The following KCNU1 variants were observed in gnomAD, a reference collection of about 807,000 sequenced individuals.
The protein encoded by KCNU1 is potassium channel subfamily U member 1.
A neutral mutation model predicts 126.8 loss-of-function variants in KCNU1; 93 were observed. The observed-to-expected ratio is 0.73, with a 90% confidence interval of 0.62 to 0.87. The LOEUF is 0.87. Among genes scored for constraint, KCNU1 ranks in the 40% least tolerant of loss-of-function variants. The pLI is 0.00. For synonymous variants in KCNU1, 523 were observed against 494.2 expected, an observed-to-expected ratio of 1.06 and a Z score of -0.77; for missense variants, 1,330 against 1,367.1, an observed-to-expected ratio of 0.97 and a Z score of 0.43.
Position 36,833,605 on chromosome 8 carries a change from C to T in KCNU1, c.1158C>T (p.Tyr386=), listed in dbSNP as rs1394016209. The change falls in exon 11 of 27, where the codon TAC becomes TAT. Residue 386 remains tyrosine, a synonymous_variant. Coordinates refer to ENST00000399881, the MANE Select transcript of KCNU1 (RefSeq NM_001031836.3). ...LETIFKCYLA[Y]TTFISGSAMK... ...CCATATTTAAATGCTACTTGGCCTA[C>T]ACAACGTTCATTTCTGGATCTGCAA... The T allele has an allele frequency of 2.0e-5, 33 of 1,612,388 alleles. No individual in the cohort carries two copies. Among genetic ancestry groups the T allele is most frequent in the Non-Finnish European group, 2.6e-5 (31 of 1,178,852 alleles).
chr8:36,896,261 G>A (rs1462695295), intron 19 of KCNU1, among the ~76,000 whole-genome samples: 1 of 151,900 alleles, frequency 6.6e-6, no homozygotes, highest in Non-Finnish European at 1.5e-5. Context: ...GGCCTGAAGA[G>A]CTTAAAATAT....
rs1294088913 is a variant in KCNU1 at position 36,787,291 on chromosome 8, T to G, written c.196-15T>G. 2 of 1,598,428 alleles carry G rather than the reference T, an allele frequency of 1.3e-6. No homozygotes were observed. On this transcript the variant is annotated splice_polypyrimidine_tract_variant and intron_variant, in intron 1 of 26. Transcript: ENST00000399881. ...GATCCAGCTCACATTGTCAATTTCT[T>G]TCTCTTGATTGTAGGAACTGTTCAC...
intron 2 of KCNU1, among the ~76,000 whole-genome samples, chr8:36,798,673 A>T (rs1272454934): frequency 3.3e-5 from 5 of 152,212 alleles, no homozygotes; most frequent in African/African-American, 1.2e-4. Context: ...CCAGGTCTCC[A>T]GACAAACTCA....
chr8:36,816,470 G>A (rs146868809), intron 9 of KCNU1, among the ~76,000 whole-genome samples: 219 of 152,100 alleles, frequency 1.4e-3, no homozygotes, highest in African/African-American at 5.0e-3. Context: ...TAATACAGTT[G>A]GATGAAAACT....
intron 8 of KCNU1, among the ~76,000 whole-genome samples, chr8:36,815,286 A>T (rs1022018691): frequency 6.6e-6 from 1 of 152,150 alleles, no homozygotes; most frequent in African/African-American, 2.4e-5. Flanking sequence ...AGCCCGGGAG[A>T]CAGACAGAGA....
At chr8:36,785,156 C>A (rs188094899) in intron 1 of KCNU1, among the ~76,000 whole-genome samples, 15 of 152,304 alleles carry the variant, frequency 9.8e-5, no homozygotes, top group Admixed American at 9.8e-4. Flanking sequence ...TTCTTATACC[C>A]AAACAAGCTT....
At chr8:36,823,202 A>G (rs1262893217) in intron 10 of KCNU1, among the ~76,000 whole-genome samples, 1 of 152,166 alleles carries the variant, frequency 6.6e-6, no homozygotes, top group East Asian at 1.9e-4. Flanking sequence ...CATTAAAAGT[A>G]ATGCCAAACA....
rs1245524259 is a variant in KCNU1 at position 36,836,299 on chromosome 8, GCTCT to G, written c.1302_1305del (p.Ile436ArgfsTer42). 6.3e-7 allele frequency: 1 copy of G among 1,598,386 alleles called. No individual in the cohort carries two copies. The highest frequency in any genetic ancestry group is 8.6e-7 in the Non-Finnish European group (1 of 1,166,408). On this transcript the variant is annotated frameshift_variant, in exon 13 of 27. Coordinates refer to ENST00000399881, the MANE Select transcript of KCNU1 (RefSeq NM_001031836.3). LOFTEE classifies it high-confidence loss of function. ...AGAGTGTTTGGGGTTTATATAGGGT[GCTCT>G]CTATCAAGAACTATGATTCTACCAC...
At chr8:36,859,070 G>A (rs1413416759) in intron 18 of KCNU1, among the ~76,000 whole-genome samples, 4 of 152,158 alleles carry the variant, frequency 2.6e-5, no homozygotes, top group Non-Finnish European at 4.4e-5. Context: ...TTTGCCAGAT[G>A]ATGGCAGCAG....
chr8:36,836,511 A>T, intron 13 of KCNU1, 146 bp downstream of exon 13: 1 of 630,314 alleles, frequency 1.6e-6, no homozygotes, highest in East Asian at 2.7e-5. Context: ...ATAATCACTT[A>T]ACAATGTAAA....
At chr8:36,846,176 C>T (rs551522446) in intron 18 of KCNU1, among the ~76,000 whole-genome samples, 9 of 152,358 alleles carry the variant, frequency 5.9e-5, no homozygotes, top group Middle Eastern at 3.4e-3. Context: ...TTAGCGGCAT[C>T]ACCAAACTCA....
chr8:36,935,927 C>T lies in KCNU1; in HGVS notation c.*7C>T, dbSNP rs1304971234. On this transcript the variant is annotated 3_prime_UTR_variant, in exon 27 of 27. Transcript: ENST00000399881. The stretch of plus-strand genomic sequence containing the variant: ...ATATTCAGAGCCACTATAGACCTGC[C>T]CATATTCTTCACGTGCTCTTAACTT... 2.6e-6 allele frequency: 4 copies of T among 1,542,682 alleles called. No individual in the cohort carries two copies. In the African/African-American group the frequency reaches 5.5e-5, roughly 21 times the overall value.
At chr8:36,862,091 C>T (rs1585476303) in intron 18 of KCNU1, among the ~76,000 whole-genome samples, 1 of 152,068 alleles carries the variant, frequency 6.6e-6, no homozygotes, top group South Asian at 2.1e-4. Flanking sequence ...CATGACAAGA[C>T]ATTAACAGTC....
chr8:36,803,940 AT>A, intron 2 of KCNU1, 86 bp from the exon 3 acceptor site: 2 of 827,052 alleles, frequency 2.4e-6, no homozygotes, highest in Non-Finnish European at 4.1e-6. Context: ...GTACACAGGC[AT>A]GGTAAAAAGA....
intron 19 of KCNU1, among the ~76,000 whole-genome samples, chr8:36,875,898 C>T (rs915912904): frequency 5.9e-5 from 9 of 152,290 alleles, no homozygotes; most frequent in African/African-American, 2.2e-4. Flanking sequence ...TTGCCCACAG[C>T]ATAGATATCT....
chr8:36,803,657 C>G (rs945466343), intron 2 of KCNU1, among the ~76,000 whole-genome samples: 17 of 152,214 alleles, frequency 1.1e-4, no homozygotes, highest in African/African-American at 4.1e-4. Flanking sequence ...TTGCATAAAG[C>G]CTATTAAGCA....
At chr8:36,845,473 T>G in intron 16 of KCNU1, 107 bp from the exon 17 acceptor site, 1 of 657,092 alleles carries the variant, frequency 1.5e-6, no homozygotes, top group Non-Finnish European at 2.7e-6. Flanking sequence ...TTGAATACGA[T>G]TAAATTAGCA....
At chr8:36,846,915 C>T (rs1233584965) in intron 18 of KCNU1, among the ~76,000 whole-genome samples, 1 of 152,082 alleles carries the variant, frequency 6.6e-6, no homozygotes, top group East Asian at 1.9e-4. Flanking sequence ...TATTTTCATC[C>T]CTGAGGTTCT....
chr8:36,846,599 C>T (rs1805155610), intron 18 of KCNU1, among the ~76,000 whole-genome samples: 1 of 152,050 alleles, frequency 6.6e-6, no homozygotes, highest in African/African-American at 2.4e-5. Context: ...GTCAGGAATT[C>T]AAGACCAGCC....
Sources: gnomAD v4.1 joint callset for allele counts (sites outside exome capture counted in the v4.1 genomes callset) on GRCh38, gnomAD v4.1.1 for gene constraint, MANE v1.5 for transcripts, NCBI Gene and HGNC (gene_info 2026-07-23, HGNC 2026-07-21) for gene names.